Variants in IFT88 observed in about 807,000 individuals in gnomAD.
IFT88 encodes intraflagellar transport protein 88 homolog.
IFT88 carries 74 observed loss-of-function variants against 119.5 expected under a neutral mutation model. That is an observed-to-expected ratio of 0.62 (90% CI 0.51 to 0.75). IFT88 has a LOEUF of 0.75. IFT88 is among the 30% of genes least tolerant of loss of function. IFT88 has a pLI of 0.00. For synonymous variants in IFT88, 279 were observed against 316.7 expected (o/e 0.88, Z 1.26); for missense variants, 961 against 977.7 (o/e 0.98, Z 0.23).
chr13:20,638,916 A>G (rs1566303609), intron 17 of IFT88, among the ~76,000 whole-genome samples: 1 of 152,248 alleles, frequency 6.6e-6, no homozygotes, highest in African/African-American at 2.4e-5. Context: ...CACACAAGAA[A>G]TAAGTACCCA....
chr13:20,585,889 C>T lies in IFT88; in HGVS notation c.153+2870C>T, dbSNP rs569312417. On this transcript the variant is annotated intron_variant, in intron 3 of 25. Transcript: ENST00000351808. Reference sequence around the variant, plus strand: ...TCATTACGGGAAGAAAAACCATAGGCTCTGAGTCCTTGCACTAGGCTAGTG... The same window carrying T: ...TCATTACGGGAAGAAAAACCATAGGTTCTGAGTCCTTGCACTAGGCTAGTG... Among the ~76,000 whole-genome samples the T allele has an allele frequency of 2.6e-5, 4 of 152,312 alleles. No homozygotes were observed. The South Asian group carries it at 8.3e-4, about 32-fold the overall frequency.
chr13:20,654,762 C>G (rs1157756828), intron 21 of IFT88, among the ~76,000 whole-genome samples: 1 of 152,144 alleles, frequency 6.6e-6, no homozygotes, highest in Non-Finnish European at 1.5e-5. Context: ...ATTGAATGTA[C>G]AACATGACTA....
At chr13:20,639,393 G>C (rs2049509412) in intron 17 of IFT88, among the ~76,000 whole-genome samples, 1 of 152,114 alleles carries the variant, frequency 6.6e-6, no homozygotes, top group African/African-American at 2.4e-5. Flanking sequence ...TGTTTAGTTG[G>C]AGACCTGTCC....
Position 20,631,016 on chromosome 13 carries a change from G to T in IFT88, c.1300G>T (p.Ala434Ser), listed in dbSNP as rs2048127404. The change falls in exon 16 of 26, where the codon GCT (alanine) becomes TCT (serine). Residue 434 changes from alanine (A) to serine (S), a missense_variant and splice_region_variant. By Grantham distance (99) the Ala-to-Ser change is moderately conservative (BLOSUM62 1). Coordinates refer to ENST00000351808, the MANE Select transcript of IFT88 (RefSeq NM_006531.5). ...TAACCTTCAGATATTCCATTTCTAG[G>T]CTGTAGAGATCTTAAAAGTGTTGGA... The part of the protein sequence containing the change: ...TYLRQKDYNQ[A>S]VEILKVLEKK... 1 of 1,559,862 alleles carries T rather than the reference G, an allele frequency of 6.4e-7. No homozygotes were observed. Among genetic ancestry groups the T allele is most frequent in the Admixed American group, 1.7e-5 (1 of 59,884 alleles).
chr13:20,626,039 GTTTCTTTTTTTTTTTTTT>G (rs2047246649), intron 15 of IFT88, among the ~76,000 whole-genome samples, 190 bp downstream of exon 15: 2 of 62,438 alleles, frequency 3.2e-5, no homozygotes, highest in Admixed American at 4.3e-4. Flanking sequence ...CCTGTTTGTC[GTTTCTTTTTTTTTTTTTT>G]TTTTTTTTTT....
At chr13:20,630,980 T>C in intron 15 of IFT88, 36 bp from the exon 16 acceptor site, 1 of 1,217,962 alleles carries the variant, frequency 8.2e-7, no homozygotes, top group Non-Finnish European at 1.2e-6. Context: ...ACTGTCATAT[T>C]ACAGTGGTAG....
At chr13:20,675,080 G>T (rs988916175) in intron 24 of IFT88, among the ~76,000 whole-genome samples, 3 of 151,960 alleles carry the variant, frequency 2.0e-5, no homozygotes, top group Non-Finnish European at 2.9e-5. Flanking sequence ...AGTTTTGCTG[G>T]GGCCTGATGG....
At position 20,643,559 on chromosome 13, in the gene IFT88, A is replaced by T. The variant is rs746946612; in HGVS notation, c.1787A>T (p.Tyr596Phe). 8.1e-6 allele frequency: 13 copies of T among 1,610,010 alleles called. No individual in the cohort carries two copies. The highest frequency in any genetic ancestry group is 1.1e-5 in the Non-Finnish European group (13 of 1,176,676). The change falls in exon 19 of 26, where the codon TAT (tyrosine) becomes TTT (phenylalanine). Residue 596 changes from tyrosine (Y) to phenylalanine (F), a missense_variant. By Grantham distance (22) the Tyr-to-Phe change is conservative. Coordinates refer to ENST00000351808, the MANE Select transcript of IFT88 (RefSeq NM_006531.5). ...PQVLSKLGEL[Y>F]DREGDKSQAF... ...GTTTTATCTAAGCTAGGAGAATTAT[A>T]TGATCGTGAAGGAGATAAATCTCAA...
At position 20,651,216 on chromosome 13, in the gene IFT88, G is replaced by A. The variant is rs570131356; in HGVS notation, c.1950-2660G>A. On this transcript the variant is annotated intron_variant, in intron 20 of 25. Transcript: ENST00000351808. ...TCCTATTTTTGCAAAAACACCATTG[G>A]GATTTTGATAGGGATTGCATTGACG... Among the ~76,000 whole-genome samples, 311 of 151,828 alleles carry A rather than the reference G, an allele frequency of 2.0e-3. 1 individual carries two copies. Among genetic ancestry groups the A allele is most frequent in the Middle Eastern group, 0.017 (5 of 290 alleles).
chr13:20,616,344 G>A (rs889225291), intron 14 of IFT88, among the ~76,000 whole-genome samples: 3 of 152,192 alleles, frequency 2.0e-5, no homozygotes, highest in Admixed American at 6.5e-5. Flanking sequence ...GCAACTTCCA[G>A]TCCTGGAAGC....
chr13:20,653,810 G>A (rs1338322140), intron 20 of IFT88, 66 bp from the exon 21 acceptor site: 1 of 846,750 alleles, frequency 1.2e-6, no homozygotes, highest in East Asian at 2.6e-5. Context: ...TAGATACATA[G>A]CTTTATAAAA....
chr13:20,641,314 G>A lies in IFT88; in HGVS notation c.1598G>A (p.Arg533Gln), dbSNP rs377167773. The change falls in exon 18 of 26, where the codon CGG (arginine) becomes CAG (glutamine). Residue 533 changes from arginine (R) to glutamine (Q), a missense_variant. Coordinates refer to ENST00000351808, the MANE Select transcript of IFT88 (RefSeq NM_006531.5). Reference protein sequence around the residue: ...NIGLTYEKLNRLDEALDCFLK... With the variant: ...NIGLTYEKLNQLDEALDCFLK... The stretch of plus-strand genomic sequence containing the variant: ...GGCCTTACCTATGAGAAACTAAATC[G>A]GCTAGATGAGGCTTTGGACTGTTTC... The A allele has an allele frequency of 8.1e-6, 13 of 1,606,716 alleles. No individual in the cohort carries two copies. Among genetic ancestry groups the A allele is most frequent in the East Asian group, 2.2e-5 (1 of 44,756 alleles).
At chr13:20,619,857 C>T (rs1282642787) in intron 14 of IFT88, among the ~76,000 whole-genome samples, 1 of 152,042 alleles carries the variant, frequency 6.6e-6, no homozygotes, top group African/African-American at 2.4e-5. Context: ...CATGAAAATT[C>T]GAATAGCTTA....
intron 2 of IFT88, among the ~76,000 whole-genome samples, chr13:20,575,690 T>C (rs549760211): frequency 6.6e-6 from 1 of 152,306 alleles, no homozygotes; most frequent in East Asian, 1.9e-4. Flanking sequence ...ATCATGCTTG[T>C]ACAGCCTGCA....
chr13:20,579,939 C>T (rs2038216403), intron 2 of IFT88, among the ~76,000 whole-genome samples: 1 of 152,202 alleles, frequency 6.6e-6, no homozygotes, highest in South Asian at 2.1e-4. Context: ...ATTGAAACCT[C>T]CTCATTCTCC....
chr13:20,589,941 A>G, intron 4 of IFT88, 74 bp downstream of exon 4: 1 of 805,368 alleles, frequency 1.2e-6, no homozygotes, highest in Admixed American at 1.9e-5. Context: ...GTTCTGAATA[A>G]TTTTATTATA....
chr13:20,582,816 A>T, intron 2 of IFT88, 141 bp from the exon 3 acceptor site: 1 of 593,486 alleles, frequency 1.7e-6, no homozygotes, highest in East Asian at 2.7e-5. Context: ...AAGTGGGGAG[A>T]TTTGAGGTAG....
At chr13:20,594,581 T>A (rs1010886895) in intron 7 of IFT88, among the ~76,000 whole-genome samples, 1 of 152,214 alleles carries the variant, frequency 6.6e-6, no homozygotes, top group Non-Finnish European at 1.5e-5. Context: ...ACTTTCAGTG[T>A]CTTCATAAAG....
Position 20,641,374 on chromosome 13 carries a change from A to C in IFT88, c.1658A>C (p.Glu553Ala), listed in dbSNP as rs139357654. 4.7e-5 allele frequency: 76 copies of C among 1,610,670 alleles called. No homozygotes were observed. The African/African-American group carries it at 8.1e-4, about 17-fold the overall frequency. The change falls in exon 18 of 26, where the codon GAA becomes GCA. Residue 553 changes from glutamate to alanine, a missense_variant. Transcript: ENST00000351808. ...KLHAILRNSA[E>A]VLYQIANIYE... ...CACGCAATCCTACGAAACAGTGCCGAAGTTCTTTACCAGATAGCAAATATG... is the reference window on the plus strand; with the variant it reads ...CACGCAATCCTACGAAACAGTGCCGCAGTTCTTTACCAGATAGCAAATATG...
Sources: gnomAD v4.1 joint callset for allele counts (sites outside exome capture counted in the v4.1 genomes callset) on GRCh38, gnomAD v4.1.1 for gene constraint, MANE v1.5 for transcripts, NCBI Gene and HGNC (gene_info 2026-07-23, HGNC 2026-07-21) for gene names.